The following CA5A variants were observed in gnomAD, a reference collection of about 807,000 sequenced individuals.
CA5A encodes carbonic anhydrase 5A, mitochondrial.
Under a neutral mutation model 37.1 loss-of-function variants are expected in CA5A, and 28 were observed. The ratio of observed to expected loss-of-function variants is 0.75; its 90% CI spans 0.56 to 1.03. CA5A has a LOEUF of 1.03. CA5A is among the 50% of genes least tolerant of loss of function. The pLI is 0.00. For synonymous variants in CA5A, 171 were observed against 158.4 expected (o/e 1.08, Z -0.60); for missense variants, 444 against 399.9 (o/e 1.11, Z -0.94).
chr16:87,905,205 TA>T (rs1282024267), intron 2 of CA5A, among the ~76,000 whole-genome samples: 1 of 152,020 alleles, frequency 6.6e-6, no homozygotes, highest in Non-Finnish European at 1.5e-5. Context: ...CAGAAATCCG[TA>T]AAGAACGTTT....
intron 5 of CA5A, among the ~76,000 whole-genome samples, chr16:87,901,096 G>A (rs2055871343): frequency 6.6e-6 from 1 of 152,186 alleles, no homozygotes; most frequent in Admixed American, 6.5e-5. Context: ...TGGGTATGGT[G>A]GCGCACACCT....
intron 1 of CA5A, among the ~76,000 whole-genome samples, chr16:87,932,590 G>A (rs2056422533): frequency 6.6e-6 from 1 of 152,174 alleles, no homozygotes; most frequent in South Asian, 2.1e-4. Context: ...CCAATGGGAG[G>A]CAATACAAAT....
In CA5A at chr16:87,929,830, C is replaced by G. The variant is rs181054380; in HGVS notation, c.143-2885G>C. On this transcript the variant is annotated intron_variant, in intron 1 of 6. Transcript: ENST00000649794. ...GAGCTTGCAGTGAGCCGAGATCGCG[C>G]CACCGCACTCCAGCCTGGGCAATAC... Among the ~76,000 whole-genome samples, 1,221 of 144,326 alleles carry G rather than the reference C, an allele frequency of 8.5e-3. 18 individuals are homozygous for G. Among genetic ancestry groups the G allele is most frequent in the African/African-American group, 0.03 (1,164 of 38,484 alleles). 94.7% of individuals were successfully genotyped at this position (144,326 alleles called of 152,430 possible).
Position 87,909,206 on chromosome 16 carries a change from A to G in CA5A, c.341-4302T>C, listed in dbSNP as rs147858733. Among the ~76,000 whole-genome samples, 188 of 152,172 alleles carry G rather than the reference A, an allele frequency of 1.2e-3. 1 individual carries two copies. In the East Asian group the frequency reaches 0.034, roughly 28 times the overall value. On this transcript the variant is annotated intron_variant, in intron 2 of 6. Transcript: ENST00000649794. ...CTCTCTACTCACTGGAGTAAGAGAC[A>G]AGTCAGCCCTTTCCAATCTGCCTCC...
intron 2 of CA5A, among the ~76,000 whole-genome samples, chr16:87,921,477 C>G (rs2056228308): frequency 6.6e-6 from 1 of 152,198 alleles, no homozygotes. Context: ...TGGAAATAAT[C>G]TCTTTAAATA....
At chr16:87,897,531 G>T (rs2055822594) in intron 5 of CA5A, among the ~76,000 whole-genome samples, 2 of 152,214 alleles carry the variant, frequency 1.3e-5, no homozygotes, top group South Asian at 2.1e-4. Flanking sequence ...TGGGGGTGGG[G>T]GTCCAGGCTT....
At chr16:87,903,347 C>G (rs192438433) in intron 3 of CA5A, among the ~76,000 whole-genome samples, 1 of 152,056 alleles carries the variant, frequency 6.6e-6, no homozygotes, top group African/African-American at 2.4e-5. Context: ...AGGAGAATCA[C>G]TTGAACCTGG....
chr16:87,904,439 T>C (rs1452917609), intron 3 of CA5A, among the ~76,000 whole-genome samples: 1 of 152,124 alleles, frequency 6.6e-6, no homozygotes, highest in African/African-American at 2.4e-5. Context: ...GAGGGCCTTG[T>C]GGATTTGCTA....
At chr16:87,924,959 GA>G (rs1482320368) in intron 2 of CA5A, among the ~76,000 whole-genome samples, 4 of 152,208 alleles carry the variant, frequency 2.6e-5, no homozygotes, top group Non-Finnish European at 5.9e-5. Context: ...AATCACAGAG[GA>G]AGAAAAGGAG....
At chr16:87,892,542 AT>A (rs1276045342) in intron 5 of CA5A, among the ~76,000 whole-genome samples, 6 of 124,250 alleles carry the variant, frequency 4.8e-5, no homozygotes, top group African/African-American at 2.2e-4. Context: ...AATAATAATA[AT>A]AATAATAATA....
chr16:87,897,988 G>T (rs1237049518), intron 5 of CA5A, among the ~76,000 whole-genome samples: 4 of 152,158 alleles, frequency 2.6e-5, no homozygotes, highest in Non-Finnish European at 5.9e-5. Context: ...GCAGTGCTTT[G>T]TGACTCTGGA....
downstream of CA5A, chr16:87,886,547 G>T (rs983447233): frequency 1.3e-5 from 2 of 152,026 alleles, no homozygotes; most frequent in Admixed American, 6.6e-5. Flanking sequence ...AAGATTCATG[G>T]TTCCCCATTT....
intron 2 of CA5A, among the ~76,000 whole-genome samples, chr16:87,912,964 G>T (rs941069004): frequency 1.3e-5 from 2 of 151,888 alleles, no homozygotes; most frequent in African/African-American, 4.8e-5. Context: ...AGGAAGTGGG[G>T]CCTTCGCCAA....
intron 5 of CA5A, among the ~76,000 whole-genome samples, chr16:87,897,502 G>A (rs1281828199): frequency 6.9e-6 from 1 of 145,060 alleles, no homozygotes; most frequent in East Asian, 2.3e-4. Flanking sequence ...GGCCTGTGCA[G>A]ATGGGATGGT....
intron 5 of CA5A, among the ~76,000 whole-genome samples, chr16:87,898,484 G>A (rs923015953): frequency 6.6e-6 from 1 of 152,194 alleles, no homozygotes; most frequent in Non-Finnish European, 1.5e-5. Flanking sequence ...CTCCCAGAAG[G>A]TAATAGCTCT....
intron 2 of CA5A, chr16:87,923,824 A>G: frequency 2.0e-6 from 2 of 985,206 alleles, no homozygotes; most frequent in African/African-American, 1.7e-5. Context: ...TGAATCCCAT[A>G]GCAACTCATC....
chr16:87,919,855 T>G (rs756347415), intron 2 of CA5A, among the ~76,000 whole-genome samples: 14 of 152,108 alleles, frequency 9.2e-5, no homozygotes, highest in Non-Finnish European at 1.9e-4. Context: ...TTTGCAAATC[T>G]CTTCCCAACT....
intron 4 of CA5A, among the ~76,000 whole-genome samples, 190 bp from the exon 5 acceptor site, chr16:87,902,164 G>A (rs1469250714): frequency 6.6e-6 from 1 of 151,882 alleles, no homozygotes; most frequent in Non-Finnish European, 1.5e-5. Flanking sequence ...AACCAGCCTG[G>A]CCAATATGGT....
intron 5 of CA5A, among the ~76,000 whole-genome samples, chr16:87,897,750 G>C (rs976733557): frequency 6.6e-6 from 1 of 152,234 alleles, no homozygotes; most frequent in Non-Finnish European, 1.5e-5. Flanking sequence ...CCAGCTGTGT[G>C]CTCGGGCAAG....
Sources: gnomAD v4.1 joint callset for allele counts (sites outside exome capture counted in the v4.1 genomes callset) on GRCh38, gnomAD v4.1.1 for gene constraint, MANE v1.5 for transcripts, NCBI Gene and HGNC (gene_info 2026-07-23, HGNC 2026-07-21) for gene names.